DNAJC7: variants seen among roughly 807,000 people sequenced by gnomAD.
The protein encoded by DNAJC7 is DnaJ heat shock protein family (Hsp40) member C7.
Under a neutral mutation model 67.4 loss-of-function variants are expected in DNAJC7, and 18 were observed. The observed-to-expected ratio is 0.27, with a 90% CI of 0.18 to 0.40. The LOEUF is 0.40. Ranked by LOEUF, DNAJC7 falls within the 10% of genes least tolerant of loss-of-function variation. The probability of loss-of-function intolerance (pLI) is 1.00; values close to 1 mark genes in which losing one functional copy is unlikely to be tolerated. For missense variants in DNAJC7, 419 were observed against 613.8 expected (o/e 0.68, Z 3.35); for synonymous variants, 220 against 207.8 (o/e 1.06, Z -0.50).
intron 10 of DNAJC7, among the ~76,000 whole-genome samples, chr17:41,983,068 C>T (rs2051290917): frequency 1.3e-5 from 2 of 152,052 alleles, no homozygotes; most frequent in South Asian, 4.1e-4. Context: ...GGATCTGGAA[C>T]CAGAAAATAG....
rs1199690873 is a variant in DNAJC7, at chr17:41,989,485, A to G, written c.672T>C (p.Asp224=). Residue 224 remains aspartate (D), a synonymous_variant, in exon 7 of 14, where the codon GAT becomes GAC. Coordinates refer to ENST00000457167, the MANE Select transcript of DNAJC7 (RefSeq NM_003315.4). ...YVRGLCLYYE[D]CIEKAVQFFV... ...AAAACTGAACTGCCTTCTCAATACA[A>G]TCTTCGTAATAAAGGCAAAGACCTC... 1.9e-5 allele frequency: 30 copies of G among 1,613,898 alleles called. No individual in the cohort carries two copies. Among genetic ancestry groups the G allele is most frequent in the Non-Finnish European group, 2.5e-5 (29 of 1,179,894 alleles).
At chr17:41,996,936 T>C (rs1357843567) in intron 3 of DNAJC7, among the ~76,000 whole-genome samples, 179 bp downstream of exon 3, 4 of 152,180 alleles carry the variant, frequency 2.6e-5, no homozygotes, top group Non-Finnish European at 4.4e-5. Context: ...GTGCTACTCA[T>C]ACTCAGTGAT....
rs2051709714 is a variant in DNAJC7 at position 41,998,123 on chromosome 17, A to G, written c.167-884T>C. Among the ~76,000 whole-genome samples the G allele has an allele frequency of 2.0e-5, 3 of 152,098 alleles. No individual in the cohort carries two copies. The South Asian group carries it at 6.2e-4, about 32-fold the overall frequency. On this transcript the variant is annotated intron_variant, in intron 2 of 13. Transcript: ENST00000457167. ...AGTGATCCATCTGCCTCAGCCTCCA[A>G]AAGCGTTGGGATTACAGGAGTGAGC...
chr17:42,000,618 A>C, intron 1 of DNAJC7, 48 bp from the exon 2 acceptor site: 8 of 1,407,304 alleles, frequency 5.7e-6, no homozygotes, highest in Non-Finnish European at 7.9e-6. Context: ...AAAGGGAATA[A>C]CCTCTGTAAT....
At chr17:41,995,392 G>C (rs2051629216) in intron 4 of DNAJC7, among the ~76,000 whole-genome samples, 2 of 152,198 alleles carry the variant, frequency 1.3e-5, no homozygotes, top group Admixed American at 1.3e-4. Context: ...CAGGGATTGA[G>C]CATATGTTTT....
intron 5 of DNAJC7, among the ~76,000 whole-genome samples, chr17:41,993,789 C>A (rs2051573626): frequency 6.6e-6 from 1 of 151,900 alleles, no homozygotes; most frequent in Admixed American, 6.6e-5. Context: ...GTAATCCCAG[C>A]ACTTTGGGAG....
chr17:41,980,095 G>A (rs1221167865), intron 12 of DNAJC7, among the ~76,000 whole-genome samples: 2 of 149,462 alleles, frequency 1.3e-5, no homozygotes, highest in African/African-American at 5.0e-5. Flanking sequence ...CTGTCGCCAG[G>A]CTGGAGTGCA....
At chr17:41,999,835 T>C (rs782339316) in intron 2 of DNAJC7, among the ~76,000 whole-genome samples, 5 of 151,542 alleles carry the variant, frequency 3.3e-5, no homozygotes, top group Non-Finnish European at 7.4e-5. Context: ...TTTTATCTTT[T>C]TGAGATGAAG....
At chr17:41,978,115 G>A (rs940634531) in intron 12 of DNAJC7, among the ~76,000 whole-genome samples, 4 of 152,086 alleles carry the variant, frequency 2.6e-5, no homozygotes, top group Non-Finnish European at 4.4e-5. Flanking sequence ...ACTTGCCCAC[G>A]ATCACATGGC....
At chr17:42,004,614 G>T (rs373116475) in intron 1 of DNAJC7, among the ~76,000 whole-genome samples, 1 of 152,162 alleles carries the variant, frequency 6.6e-6, no homozygotes, top group African/African-American at 2.4e-5. Context: ...TGTCCTCTCT[G>T]GATGCATGGA....
intron 5 of DNAJC7, chr17:41,992,511 C>G (rs1217919801): frequency 6.6e-6 from 1 of 152,076 alleles, no homozygotes; most frequent in Admixed American, 6.6e-5. Context: ...AAAACTTAAG[C>G]ATTATGTAGG....
intron 1 of DNAJC7, among the ~76,000 whole-genome samples, chr17:42,008,168 C>T (rs1392142893): frequency 6.6e-6 from 1 of 150,676 alleles, no homozygotes; most frequent in African/African-American, 2.4e-5. Flanking sequence ...AAAAATTAGC[C>T]GGGCATGATG....
At chr17:41,978,834 C>T (rs1014664880) in intron 12 of DNAJC7, among the ~76,000 whole-genome samples, 2 of 151,928 alleles carry the variant, frequency 1.3e-5, no homozygotes, top group Non-Finnish European at 2.9e-5. Context: ...GAGCAGAGAT[C>T]GCGCCACTGC....
chr17:41,990,498 C>A (rs1382699054), intron 5 of DNAJC7, 116 bp from the exon 6 acceptor site: 2 of 791,172 alleles, frequency 2.5e-6, no homozygotes, highest in Admixed American at 4.9e-5. Flanking sequence ...GGGTCCACTT[C>A]TAAGTAATAT....
chr17:42,002,160 G>C (rs541046818), intron 1 of DNAJC7, among the ~76,000 whole-genome samples: 2 of 152,300 alleles, frequency 1.3e-5, no homozygotes, highest in East Asian at 1.9e-4. Context: ...GACATGCCAA[G>C]GGATTTGAAC....
chr17:41,978,505 C>T (rs2051150898), intron 12 of DNAJC7, among the ~76,000 whole-genome samples: 2 of 152,154 alleles, frequency 1.3e-5, no homozygotes. Flanking sequence ...CCAACCCCAA[C>T]CTCCTCACCC....
intron 12 of DNAJC7, among the ~76,000 whole-genome samples, chr17:41,981,085 G>A (rs1382128360): frequency 1.3e-5 from 2 of 152,178 alleles, no homozygotes; most frequent in Non-Finnish European, 2.9e-5. Flanking sequence ...GCCCAGGCTG[G>A]AGTGCAGTAG....
intron 5 of DNAJC7, chr17:41,992,699 C>T (rs914730880): frequency 2.6e-5 from 4 of 152,232 alleles, no homozygotes; most frequent in African/African-American, 4.8e-5. Flanking sequence ...CCCCAACCTC[C>T]CCATGACTAG....
intron 1 of DNAJC7, among the ~76,000 whole-genome samples, chr17:42,004,390 C>T (rs557636676): frequency 1.9e-3 from 296 of 152,310 alleles, no homozygotes; most frequent in Non-Finnish European, 3.6e-3. Flanking sequence ...TTTTCCCCCA[C>T]ATCCTGTTAG....
Sources: gnomAD v4.1 joint callset for allele counts (sites outside exome capture counted in the v4.1 genomes callset) on GRCh38, gnomAD v4.1.1 for gene constraint, MANE v1.5 for transcripts, NCBI Gene and HGNC (gene_info 2026-07-23, HGNC 2026-07-21) for gene names.